Variants in GAPVD1 observed in about 807,000 individuals in gnomAD.
GAPVD1 encodes GTPase-activating protein and VPS9 domain-containing protein 1.
Under a neutral mutation model 155.5 loss-of-function variants are expected in GAPVD1, and 35 were observed. That is an observed-to-expected ratio of 0.23 (90% CI 0.17 to 0.30). The LOEUF (loss-of-function observed/expected upper bound fraction) is 0.30. GAPVD1 is among the 10% of genes least tolerant of loss of function. The probability of loss-of-function intolerance (pLI) is 1.00; values close to 1 mark genes in which losing one functional copy is unlikely to be tolerated. For missense variants in GAPVD1, 1,429 were observed against 1,775.7 expected (o/e 0.80, Z 3.51); for synonymous variants, 636 against 619.7 (o/e 1.03, Z -0.39).
chr9:125,304,914 G>C, intron 5 of GAPVD1, 149 bp from the exon 6 acceptor site: 1 of 461,322 alleles, frequency 2.2e-6, no homozygotes, highest in Middle Eastern at 3.0e-4. Context: ...ATTTTTTGGG[G>C]GATACTATTT....
rs1040906567 is a variant in GAPVD1, at chr9:125,265,777, A to G, written c.-198-3159A>G. On this transcript the variant is annotated intron_variant, in intron 1 of 27. Coordinates refer to ENST00000297933, the MANE Select transcript of GAPVD1 (RefSeq NM_001282680.3). ...AGATGTGGCAAAAATGGTAATTTTG[A>G]AACTACTGGCCAGGCGTGGTAGCTC... Among the ~76,000 whole-genome samples the G allele has an allele frequency of 1.6e-4, 24 of 147,514 alleles. 1 individual carries two copies. The highest frequency in any genetic ancestry group is 3.0e-4 in the Non-Finnish European group (20 of 67,100).
intron 2 of GAPVD1, among the ~76,000 whole-genome samples, chr9:125,279,570 CAA>C (rs373750165): frequency 1.8e-4 from 10 of 55,842 alleles, no homozygotes; most frequent in East Asian, 7.1e-4. Flanking sequence ...GACTTCATCT[CAA>C]AAAAAAAAAA....
chr9:125,321,608 T>C (rs1401484255), intron 10 of GAPVD1, 46 bp downstream of exon 10: 2 of 1,565,624 alleles, frequency 1.3e-6, no homozygotes, highest in South Asian at 2.3e-5. Context: ...CAATTAATAG[T>C]TTGTTTTGTG....
Position 125,305,155 on chromosome 9 carries a change from A to G in GAPVD1, c.1116+6A>G, listed in dbSNP as rs1841572174. 1 of 1,581,754 alleles carries G rather than the reference A, an allele frequency of 6.3e-7. No homozygotes were observed. The highest frequency in any genetic ancestry group is 8.7e-7 in the Non-Finnish European group (1 of 1,150,704). ...GCCTTGGAAAGTTTGACAAAGTAAG[A>G]ATAAATATGATTTATAGAAAATTCT... On this transcript the variant is annotated splice_donor_region_variant and intron_variant, in intron 6 of 27. Coordinates refer to ENST00000297933, the MANE Select transcript of GAPVD1 (RefSeq NM_001282680.3).
chr9:125,347,855 G>A (rs2132293689), intron 20 of GAPVD1, among the ~76,000 whole-genome samples: 1 of 152,314 alleles, frequency 6.6e-6, no homozygotes, highest in Non-Finnish European at 1.5e-5. Flanking sequence ...CTCCTAGGAA[G>A]CCTCAGAGGG....
Position 125,330,269 on chromosome 9 carries a change from A to C in GAPVD1, c.2173+51A>C, listed in dbSNP as rs1845893476. On this transcript the variant is annotated intron_variant, in intron 13 of 27. Coordinates refer to ENST00000297933, the MANE Select transcript of GAPVD1 (RefSeq NM_001282680.3). ...TTTCATTTATACAGAAGTTTTAATT[A>C]AATGCAAGGTATCCCAACTCTGTAT... 3 of 1,295,000 alleles carry C rather than the reference A, an allele frequency of 2.3e-6. No individual in the cohort carries two copies. The East Asian group carries it at 7.4e-5, about 32-fold the overall frequency. 80.2% of individuals were successfully genotyped at this position (1,295,000 alleles called of 1,614,324 possible).
At chr9:125,334,627 C>T (rs373756991) in intron 15 of GAPVD1, among the ~76,000 whole-genome samples, 5 of 152,030 alleles carry the variant, frequency 3.3e-5, no homozygotes, top group Admixed American at 6.6e-5. Context: ...TGGCCAGGTG[C>T]GTTGGCTCAC....
chr9:125,307,439 T>C lies in GAPVD1; in HGVS notation c.1143T>C (p.Val381=), dbSNP rs368165158. 1.7e-5 allele frequency: 28 copies of C among 1,609,098 alleles called. No individual in the cohort carries two copies. The African/African-American group carries it at 3.1e-4, about 18-fold the overall frequency. The change falls in exon 7 of 28, where the codon GTT becomes GTC. Residue 381 remains valine, a synonymous_variant. Transcript: ENST00000297933. The part of the protein sequence containing the change: ...DKSCVAAFLD[V]VIGGRAVETP... The stretch of plus-strand genomic sequence containing the variant: ...GCTGTGTTGCCGCTTTCCTTGATGT[T>C]GTGATTGGGGGCCGTGCAGTGGAGA...
At chr9:125,351,470 T>G (rs1386226692) in intron 23 of GAPVD1, among the ~76,000 whole-genome samples, 2 of 152,216 alleles carry the variant, frequency 1.3e-5, no homozygotes, top group Non-Finnish European at 2.9e-5. Context: ...GTCAAAAATT[T>G]CATCTGAGAC....
At chr9:125,300,496 C>T (rs1840696855) in intron 4 of GAPVD1, among the ~76,000 whole-genome samples, 1 of 151,844 alleles carries the variant, frequency 6.6e-6, no homozygotes, top group Admixed American at 6.6e-5. Flanking sequence ...GTTTTTAACT[C>T]TAAGAATATC....
At position 125,332,496 on chromosome 9, in the gene GAPVD1, A is replaced by G. The variant is rs1846236016; in HGVS notation, c.2309-14A>G. ...TTCTTCTTCCTGTTTATTTTTTACT[A>G]TTGTTTTTTAAAGGCATAAGTGCAA... On this transcript the variant is annotated splice_polypyrimidine_tract_variant and intron_variant, in intron 14 of 27. Coordinates refer to ENST00000297933, the MANE Select transcript of GAPVD1 (RefSeq NM_001282680.3). 2.6e-6 allele frequency: 4 copies of G among 1,556,638 alleles called. No homozygotes were observed. The highest frequency in any genetic ancestry group is 1.7e-4 in the Middle Eastern group (1 of 5,868).
At position 125,302,725 on chromosome 9, in the gene GAPVD1, C is replaced by T; in HGVS notation, c.928C>T (p.Leu310=). 1 of 1,614,080 alleles carries T rather than the reference C, an allele frequency of 6.2e-7. No homozygotes were observed. The highest frequency in any genetic ancestry group is 8.5e-7 in the Non-Finnish European group (1 of 1,179,998). ...GGTCAGGGCAATGTGTACTGATCTC[C>T]TGTTGGCCTGCTTCATTTGTCCTGC... The part of the protein sequence containing the change: ...GEVRAMCTDL[L]LACFICPAVV... The change falls in exon 5 of 28, where the codon CTG becomes TTG. Residue 310 remains leucine (L), a synonymous_variant. Transcript: ENST00000297933.
At chr9:125,301,593 T>G (rs190592063) in intron 4 of GAPVD1, among the ~76,000 whole-genome samples, 1 of 152,014 alleles carries the variant, frequency 6.6e-6, no homozygotes, top group Non-Finnish European at 1.5e-5. Flanking sequence ...GGATTATAGG[T>G]GCCTGCCACC....
intron 19 of GAPVD1, among the ~76,000 whole-genome samples, chr9:125,344,924 CTT>C (rs1358698450): frequency 2.6e-5 from 4 of 152,144 alleles, no homozygotes; most frequent in African/African-American, 9.6e-5. Flanking sequence ...TTAAGAATCT[CTT>C]ATGAATTCAA....
intron 23 of GAPVD1, among the ~76,000 whole-genome samples, chr9:125,351,780 G>T (rs1422283116): frequency 6.7e-6 from 1 of 149,862 alleles, no homozygotes; most frequent in Non-Finnish European, 1.5e-5. Flanking sequence ...CGCTCTTGTT[G>T]CCCAGGCTGG....
At chr9:125,293,178 A>G (rs13289976) in intron 2 of GAPVD1, among the ~76,000 whole-genome samples, 77,993 of 151,828 alleles carry the variant, frequency 0.51, 20,165 homozygotes, top group Middle Eastern at 0.59. Flanking sequence ...GAGTCTAGGA[A>G]CCTGTTTGTG....
chr9:125,270,100 G>T (rs2131792054), intron 2 of GAPVD1, among the ~76,000 whole-genome samples: 1 of 152,198 alleles, frequency 6.6e-6, no homozygotes, highest in African/African-American at 2.4e-5. Flanking sequence ...GCACCTAGCT[G>T]TTTGATTTCT....
At chr9:125,270,937 G>A (rs535897137) in intron 2 of GAPVD1, among the ~76,000 whole-genome samples, 50 of 152,126 alleles carry the variant, frequency 3.3e-4, no homozygotes, top group African/African-American at 1.0e-3. Context: ...CAACAAGAGC[G>A]AAACTCCATC....
intron 20 of GAPVD1, among the ~76,000 whole-genome samples, chr9:125,347,624 G>T (rs1174716268): frequency 6.6e-6 from 1 of 151,922 alleles, no homozygotes; most frequent in East Asian, 1.9e-4. Context: ...GATGGTTGAG[G>T]CATAAGAATT....
Sources: gnomAD v4.1 joint callset for allele counts (sites outside exome capture counted in the v4.1 genomes callset) on GRCh38, gnomAD v4.1.1 for gene constraint, MANE v1.5 for transcripts, NCBI Gene and HGNC (gene_info 2026-07-23, HGNC 2026-07-21) for gene names.